The following NADSYN1 variants were observed in gnomAD, a reference collection of about 807,000 sequenced individuals.
NADSYN1 encodes glutamine-dependent NAD(+) synthetase.
A neutral mutation model predicts 99.3 loss-of-function variants in NADSYN1; 80 were observed. The observed-to-expected ratio is 0.81, with a 90% CI of 0.67 to 0.97. The LOEUF (loss-of-function observed/expected upper bound fraction) is 0.97, where lower values mean the gene tolerates loss of function less well. NADSYN1 is among the 50% of genes least tolerant of loss of function. The pLI is 0.00. For synonymous variants in NADSYN1, 385 were observed against 372.1 expected, an observed-to-expected ratio of 1.03 and a Z score of -0.40; for missense variants, 859 against 948.5, an observed-to-expected ratio of 0.91 and a Z score of 1.24.
chr11:71,482,120 G>A, intron 13 of NADSYN1, 95 bp downstream of exon 13: 2 of 1,109,770 alleles, frequency 1.8e-6, no homozygotes. Flanking sequence ...AAACACCCGT[G>A]CCATGGACAT....
At chr11:71,474,885 A>G (rs1035885733) in intron 9 of NADSYN1, 1 of 342,478 alleles carries the variant, frequency 2.9e-6, no homozygotes, top group Non-Finnish European at 5.8e-6. Context: ...CACAGCACAT[A>G]GTAGTGGACG....
At chr11:71,488,539 G>A (rs1211141012) in intron 16 of NADSYN1, among the ~76,000 whole-genome samples, 4 of 152,130 alleles carry the variant, frequency 2.6e-5, no homozygotes, top group Non-Finnish European at 5.9e-5. Flanking sequence ...GCGGCGTGTC[G>A]GGCAGAGGGA....
At chr11:71,477,162 G>A in intron 9 of NADSYN1, 1 of 1,142,700 alleles carries the variant, frequency 8.8e-7, no homozygotes, top group Non-Finnish European at 1.1e-6. Flanking sequence ...GTTTCTCAGG[G>A]TCTTCCTAAT....
intron 19 of NADSYN1, 139 bp from the exon 20 acceptor site, chr11:71,498,213 C>T (rs938014332): frequency 1.2e-5 from 12 of 965,662 alleles, no homozygotes; most frequent in Non-Finnish European, 1.8e-5. Context: ...CACGGGCATC[C>T]CCCACACCTG....
At chr11:71,453,791 G>A (rs1298343563) in intron 1 of NADSYN1, among the ~76,000 whole-genome samples, 1 of 152,132 alleles carries the variant, frequency 6.6e-6, no homozygotes, top group Admixed American at 6.5e-5. Context: ...GGTCCCCGTG[G>A]GCCTTCCTGG....
At chr11:71,486,657 A>G (rs887321254) in intron 16 of NADSYN1, among the ~76,000 whole-genome samples, 1 of 149,694 alleles carries the variant, frequency 6.7e-6, no homozygotes. Flanking sequence ...TCATCTATCC[A>G]TGTATTCATT....
intron 2 of NADSYN1, among the ~76,000 whole-genome samples, chr11:71,457,464 CTATATTT>C (rs1243245278): frequency 6.6e-6 from 1 of 152,226 alleles, no homozygotes; most frequent in Non-Finnish European, 1.5e-5. Context: ...TACAGATACT[CTATATTT>C]TATTATGGGA....
chr11:71,480,763 G>A lies in NADSYN1; in HGVS notation c.882G>A (p.Arg294=). ...TGAATCTCCATTGCCAGGCCAGCAG[G>A]GCGAGCCCCTACCCCAGAGTGAAGG... ...EISSRNLAAS[R]ASPYPRVKVD... is the part of the protein sequence containing the mutation. The change falls in exon 11 of 21, where the codon AGG becomes AGA. Residue 294 remains arginine, a synonymous_variant. Transcript: ENST00000319023. 1 of 1,614,140 alleles carries A rather than the reference G, an allele frequency of 6.2e-7. No homozygotes were observed. The highest frequency in any genetic ancestry group is 8.5e-7 in the Non-Finnish European group (1 of 1,180,026).
chr11:71,461,709 G>A (rs1949551889), intron 3 of NADSYN1, among the ~76,000 whole-genome samples: 1 of 152,198 alleles, frequency 6.6e-6, no homozygotes, highest in Admixed American at 6.5e-5. Flanking sequence ...TTACAGGCAT[G>A]AGCCACAGCA....
rs551318261 is a variant in NADSYN1 at position 71,476,400 on chromosome 11, G to A, written c.798+1874G>A. 4.3e-4 allele frequency: 137 copies of A among 321,036 alleles called. 1 individual carries two copies. Among genetic ancestry groups the A allele is most frequent in the African/African-American group, 2.7e-3 (124 of 46,314 alleles). The allele number at this position is 321,036 out of a possible 1,614,324, so 19.9% of individuals were successfully genotyped here. A position where few individuals can be genotyped will look rare whatever the true frequency, so the allele number is the denominator to read the frequency against. ...CTGAGCAGTTCATTGCTTTGCTCCCGCTGCGTTCCCATCCTCATGATTCTG... is the reference window on the plus strand; with the variant it reads ...CTGAGCAGTTCATTGCTTTGCTCCCACTGCGTTCCCATCCTCATGATTCTG... On this transcript the variant is annotated intron_variant, in intron 9 of 20. Coordinates refer to ENST00000319023, the MANE Select transcript of NADSYN1 (RefSeq NM_018161.5).
chr11:71,458,470 C>T lies in NADSYN1; in HGVS notation c.189C>T (p.Leu63=), dbSNP rs200676490. The T allele has an allele frequency of 2.5e-6, 4 of 1,614,106 alleles. No individual in the cohort carries two copies. The highest frequency in any genetic ancestry group is 2.2e-5 in the South Asian group (2 of 91,084). The part of the protein sequence containing the change: ...CWDHYYESDT[L]LHSFQVLAAL... ...ATCATTATTACGAGTCGGACACCCT[C>T]TTGCACTCGTTTCAAGTCCTAGCGG... Residue 63 remains leucine (L), a synonymous_variant, in exon 3 of 21, where the codon CTC becomes CTT. Coordinates refer to ENST00000319023, the MANE Select transcript of NADSYN1 (RefSeq NM_018161.5).
chr11:71,463,490 G>T lies in NADSYN1; in HGVS notation c.317+5G>T. 6.2e-7 allele frequency: 1 copy of T among 1,613,206 alleles called. No homozygotes were observed. The highest frequency in any genetic ancestry group is 8.5e-7 in the Non-Finnish European group (1 of 1,179,300). On this transcript the variant is annotated splice_donor_5th_base_variant and intron_variant, in intron 4 of 20. Transcript: ENST00000319023. Reference sequence around the variant, plus strand: ...CAGAGTGATATTCCTCAACAGGTAGGCCCCCTGCCCCCACCCCGGGAGGGT... The same window carrying T: ...CAGAGTGATATTCCTCAACAGGTAGTCCCCCTGCCCCCACCCCGGGAGGGT...
At chr11:71,490,546 C>T (rs1017618548) in intron 16 of NADSYN1, among the ~76,000 whole-genome samples, 5 of 152,164 alleles carry the variant, frequency 3.3e-5, no homozygotes, top group Admixed American at 2.6e-4. Flanking sequence ...CTGCTCACTC[C>T]CGACACCCCA....
chr11:71,479,153 C>T (rs1246042133), intron 10 of NADSYN1: 1 of 152,444 alleles, frequency 6.6e-6, no homozygotes, highest in East Asian at 1.9e-4. Context: ...CATCACAGCT[C>T]ACCGCAGCCT....
chr11:71,472,232 AG>A (rs1408817360), intron 5 of NADSYN1, among the ~76,000 whole-genome samples: 5 of 152,222 alleles, frequency 3.3e-5, no homozygotes, highest in Non-Finnish European at 5.9e-5. Context: ...CGGAGAGCCC[AG>A]CCCACCACCA....
At position 71,485,581 on chromosome 11, in the gene NADSYN1, T is replaced by C. The variant is rs751361110; in HGVS notation, c.1495T>C (p.Leu499=). Residue 499 remains leucine (L), a synonymous_variant, in exon 16 of 21, where the codon TTG becomes CTG. Coordinates refer to ENST00000319023, the MANE Select transcript of NADSYN1 (RefSeq NM_018161.5). ...RMVLAYLFAQ[L]SLWSRGVHGG... Reference sequence around the variant, plus strand: ...GGTCCTCGCCTATCTGTTTGCTCAGTTGAGCCTCTGGTCTCGGGGTGTCCA... The same window carrying C: ...GGTCCTCGCCTATCTGTTTGCTCAGCTGAGCCTCTGGTCTCGGGGTGTCCA... 1 of 1,563,036 alleles carries C rather than the reference T, an allele frequency of 6.4e-7. No individual in the cohort carries two copies. Among genetic ancestry groups the C allele is most frequent in the South Asian group, 1.2e-5 (1 of 84,950 alleles).
intron 3 of NADSYN1, among the ~76,000 whole-genome samples, chr11:71,461,827 C>A (rs1438973460): frequency 6.6e-6 from 1 of 152,186 alleles, no homozygotes; most frequent in Non-Finnish European, 1.5e-5. Context: ...ATAAGAACTC[C>A]GCCCCCACCA....
intron 20 of NADSYN1, 31 bp downstream of exon 20, chr11:71,498,559 T>C: frequency 1.2e-6 from 2 of 1,608,756 alleles, no homozygotes; most frequent in Middle Eastern, 1.7e-4. Flanking sequence ...TCTCTCTCCA[T>C]GTTTCATGTC....
intron 5 of NADSYN1, among the ~76,000 whole-genome samples, chr11:71,466,294 C>T (rs1385547634): frequency 2.6e-5 from 4 of 152,230 alleles, no homozygotes; most frequent in Admixed American, 6.5e-5. Context: ...GCCACTTGGA[C>T]TTTCACTTAA....
Sources: gnomAD v4.1 joint callset for allele counts (sites outside exome capture counted in the v4.1 genomes callset) on GRCh38, gnomAD v4.1.1 for gene constraint, MANE v1.5 for transcripts, NCBI Gene and HGNC (gene_info 2026-07-23, HGNC 2026-07-21) for gene names.